The following CCDC91 variants were observed in gnomAD, a reference collection of about 807,000 sequenced individuals.
The protein encoded by CCDC91 is coiled-coil domain containing 91.
CCDC91 carries 48 observed loss-of-function variants against 63.2 expected under a neutral mutation model. The ratio of observed to expected loss-of-function variants is 0.76; its 90% confidence interval spans 0.60 to 0.97. The LOEUF (loss-of-function observed/expected upper bound fraction) is 0.97, where lower values mean the gene tolerates loss of function less well. CCDC91 is among the 50% of genes least tolerant of loss of function. CCDC91 has a pLI of 0.00. For synonymous variants in CCDC91, 167 were observed against 165.8 expected (o/e 1.01, Z -0.06); for missense variants, 500 against 494.6 (o/e 1.01, Z -0.10).
chr12:28,521,193 C>G (rs546747207), intron 12 of CCDC91, among the ~76,000 whole-genome samples: 1 of 152,230 alleles, frequency 6.6e-6, no homozygotes, highest in East Asian at 1.9e-4. Flanking sequence ...ATTGATTATT[C>G]CTATCCATGA....
intron 9 of CCDC91, 32 bp downstream of exon 9, chr12:28,450,285 A>G: frequency 6.3e-7 from 1 of 1,580,232 alleles, no homozygotes. Flanking sequence ...GAGTGTAGAA[A>G]GAATGTGTTC....
chr12:28,292,895 G>A lies in CCDC91; in HGVS notation c.110-12754G>A, dbSNP rs376454053. On this transcript the variant is annotated intron_variant, in intron 3 of 12. Coordinates refer to ENST00000536442, the MANE Select transcript of CCDC91 (RefSeq NM_018318.5). The stretch of plus-strand genomic sequence containing the variant: ...TCTGTTTATGTACAATAATACTTAC[G>A]TTGTGTGTACTCTGGAAATTATTAT... Among the ~76,000 whole-genome samples the A allele has an allele frequency of 2.0e-3, 297 of 152,126 alleles. 1 individual carries two copies. In the Middle Eastern group the frequency reaches 0.054, roughly 28 times the overall value.
chr12:28,208,307 ATAACT>A (rs1227060707), intron 1 of CCDC91, among the ~76,000 whole-genome samples: 2 of 140,258 alleles, frequency 1.4e-5, no homozygotes, highest in Non-Finnish European at 3.3e-5. Flanking sequence ...GTGGTCTACA[ATAACT>A]TAACATAACT....
intron 3 of CCDC91, among the ~76,000 whole-genome samples, chr12:28,278,373 C>A (rs1402788871): frequency 6.6e-6 from 1 of 152,004 alleles, no homozygotes; most frequent in East Asian, 1.9e-4. Context: ...TCGATGAAAT[C>A]TTTTAATTGA....
At chr12:28,456,217 A>G (rs1271624338) in intron 11 of CCDC91, among the ~76,000 whole-genome samples, 2 of 152,152 alleles carry the variant, frequency 1.3e-5, no homozygotes, top group African/African-American at 4.8e-5. Context: ...CTGACACACA[A>G]CATTAAGCAA....
chr12:28,274,350 T>C (rs1257264680), intron 3 of CCDC91, among the ~76,000 whole-genome samples: 3 of 152,164 alleles, frequency 2.0e-5, no homozygotes, highest in African/African-American at 4.8e-5. Flanking sequence ...ACATGAACTT[T>C]AAAGTAGTTT....
chr12:28,383,470 A>C (rs781001813), intron 7 of CCDC91, among the ~76,000 whole-genome samples: 17 of 152,140 alleles, frequency 1.1e-4, no homozygotes, highest in Non-Finnish European at 2.2e-4. Context: ...CAGCTTTTCC[A>C]AAATTTTAGG....
chr12:28,243,075 C>T (rs1428547667), intron 1 of CCDC91, among the ~76,000 whole-genome samples: 1 of 152,172 alleles, frequency 6.6e-6, no homozygotes, highest in African/African-American at 2.4e-5. Flanking sequence ...ATAAATTACT[C>T]AGGCTCAGGT....
At chr12:28,403,000 C>T (rs957360049) in intron 8 of CCDC91, among the ~76,000 whole-genome samples, 1 of 152,140 alleles carries the variant, frequency 6.6e-6, no homozygotes, top group African/African-American at 2.4e-5. Flanking sequence ...AATGCCACAT[C>T]GTTGTCATGT....
intron 8 of CCDC91, among the ~76,000 whole-genome samples, chr12:28,410,718 C>T (rs1261952439): frequency 1.3e-5 from 2 of 152,042 alleles, no homozygotes; most frequent in African/African-American, 4.8e-5. Flanking sequence ...GACAGGGTTT[C>T]ACTATGTTGG....
At chr12:28,306,654 T>C in intron 4 of CCDC91, 88 bp from the exon 5 acceptor site, 1 of 840,156 alleles carries the variant, frequency 1.2e-6, no homozygotes. Context: ...AATTTCCAAA[T>C]GTGGTTTCTA....
intron 3 of CCDC91, among the ~76,000 whole-genome samples, chr12:28,301,136 T>G (rs1227772409): frequency 6.6e-6 from 1 of 151,630 alleles, no homozygotes; most frequent in African/African-American, 2.4e-5. Context: ...GTAGGCATCC[T>G]TTTCTTATTC....
chr12:28,506,974 A>G (rs1938806332), intron 12 of CCDC91, among the ~76,000 whole-genome samples: 2 of 151,982 alleles, frequency 1.3e-5, no homozygotes, highest in Non-Finnish European at 2.9e-5. Flanking sequence ...AGCTTTGGGA[A>G]TAAAAGTTGT....
chr12:28,336,663 G>T (rs1427162861), intron 6 of CCDC91, among the ~76,000 whole-genome samples: 1 of 152,052 alleles, frequency 6.6e-6, no homozygotes, highest in Non-Finnish European at 1.5e-5. Context: ...GAAATGAAGA[G>T]TCATTTTTGG....
chr12:28,274,240 G>C (rs1340581038), intron 3 of CCDC91, among the ~76,000 whole-genome samples: 1 of 152,150 alleles, frequency 6.6e-6, no homozygotes, highest in Admixed American at 6.6e-5. Context: ...TTTGGTTACT[G>C]TAGCCTTGGA....
intron 11 of CCDC91, among the ~76,000 whole-genome samples, chr12:28,469,340 G>A (rs1379614981): frequency 6.6e-6 from 1 of 151,798 alleles, no homozygotes; most frequent in African/African-American, 2.4e-5. Context: ...TTTACAGTAG[G>A]TACAAATGAA....
chr12:28,339,123 G>A (rs1337238588), intron 6 of CCDC91, among the ~76,000 whole-genome samples: 1 of 152,184 alleles, frequency 6.6e-6, no homozygotes, highest in Non-Finnish European at 1.5e-5. Context: ...TTACAGGCAT[G>A]AGCCACCATG....
At chr12:28,270,301 G>A (rs1439278341) in intron 3 of CCDC91, among the ~76,000 whole-genome samples, 1 of 152,018 alleles carries the variant, frequency 6.6e-6, no homozygotes, top group Non-Finnish European at 1.5e-5. Context: ...AATAGGGAAG[G>A]TATTACTTAA....
At chr12:28,254,992 T>C (rs534560958) in intron 1 of CCDC91, among the ~76,000 whole-genome samples, 1 of 152,162 alleles carries the variant, frequency 6.6e-6, no homozygotes, top group South Asian at 2.1e-4. Flanking sequence ...AGGCTGGTCT[T>C]GAACTGCTGC....
Sources: allele counts gnomAD v4.1 joint callset (sites outside exome capture counted in the v4.1 genomes callset), GRCh38; gene constraint gnomAD v4.1.1; transcripts MANE v1.5; gene names NCBI Gene and HGNC (gene_info 2026-07-23, HGNC 2026-07-21).